RBM20: variants seen among roughly 807,000 people sequenced by gnomAD.
RBM20 encodes RNA binding motif protein 20, also known as RNA-binding protein 20.
RBM20 carries 51 observed loss-of-function variants against 110.1 expected under a neutral mutation model. The observed-to-expected ratio is 0.46, with a 90% CI of 0.37 to 0.59. RBM20 has a LOEUF of 0.59. Ranked by LOEUF, RBM20 falls within the 20% of genes least tolerant of loss-of-function variation. RBM20 has a pLI of 0.00. For synonymous variants in RBM20, 589 were observed against 618.2 expected, an observed-to-expected ratio of 0.95 and a Z score of 0.70; for missense variants, 1,512 against 1,574.9, an observed-to-expected ratio of 0.96 and a Z score of 0.68.
At chr10:110,782,203 G>C (rs1028165702) in intron 2 of RBM20, among the ~76,000 whole-genome samples, 1 of 152,216 alleles carries the variant, frequency 6.6e-6, no homozygotes, top group East Asian at 1.9e-4. Flanking sequence ...CTGCCTTCTC[G>C]TGGAGGGCTT....
chr10:110,732,176 A>G (rs967066860), intron 1 of RBM20, among the ~76,000 whole-genome samples: 3 of 150,514 alleles, frequency 2.0e-5, no homozygotes, highest in Admixed American at 1.3e-4. Context: ...CAATATTCCC[A>G]TGTTGCAGTT....
At chr10:110,745,212 G>T (rs1398971550) in intron 1 of RBM20, among the ~76,000 whole-genome samples, 1 of 152,198 alleles carries the variant, frequency 6.6e-6, no homozygotes, top group Admixed American at 6.5e-5. Flanking sequence ...CACTGCCTCT[G>T]CTGTAAAGAC....
At chr10:110,733,752 GC>G (rs2134956139) in intron 1 of RBM20, among the ~76,000 whole-genome samples, 1 of 152,316 alleles carries the variant, frequency 6.6e-6, no homozygotes, top group South Asian at 2.1e-4. Context: ...TTTGCAGAAT[GC>G]CCAGGAACTG....
At chr10:110,805,034 G>A (rs1026873192) in intron 7 of RBM20, among the ~76,000 whole-genome samples, 1 of 152,192 alleles carries the variant, frequency 6.6e-6, no homozygotes, top group Admixed American at 6.5e-5. Flanking sequence ...ATGGTCCATG[G>A]TGCTCTCAGT....
chr10:110,705,687 A>C (rs746488069), intron 1 of RBM20, among the ~76,000 whole-genome samples: 8 of 152,220 alleles, frequency 5.3e-5, no homozygotes, highest in African/African-American at 1.4e-4. Context: ...AAACTTACAT[A>C]TATATTAATC....
At chr10:110,763,297 C>T (rs1178408386) in intron 1 of RBM20, among the ~76,000 whole-genome samples, 3 of 151,868 alleles carry the variant, frequency 2.0e-5, no homozygotes, top group Non-Finnish European at 4.4e-5. Context: ...CCAGGATACC[C>T]CAAGCCCCAT....
intron 1 of RBM20, among the ~76,000 whole-genome samples, chr10:110,684,414 C>CA (rs1249025762): frequency 6.6e-6 from 1 of 150,428 alleles, no homozygotes; most frequent in African/African-American, 2.5e-5. Flanking sequence ...CAAAACAAAA[C>CA]AAAACAAAAC....
chr10:110,728,521 C>T (rs1264377620), intron 1 of RBM20, among the ~76,000 whole-genome samples: 1 of 152,122 alleles, frequency 6.6e-6, no homozygotes, highest in Non-Finnish European at 1.5e-5. Context: ...GCCTCAGGGT[C>T]AAGGTGAGGG....
chr10:110,764,620 C>T (rs1844054892), intron 1 of RBM20, among the ~76,000 whole-genome samples: 1 of 152,248 alleles, frequency 6.6e-6, no homozygotes, highest in African/African-American at 2.4e-5. Flanking sequence ...CGCTCCCTCC[C>T]TCCCTCGCTT....
intron 1 of RBM20, among the ~76,000 whole-genome samples, chr10:110,738,840 G>A (rs1306270613): frequency 6.6e-6 from 1 of 152,144 alleles, no homozygotes; most frequent in Non-Finnish European, 1.5e-5. Context: ...TTGGGGTTGG[G>A]GCTGCAGCCT....
At chr10:110,738,265 T>C (rs1235018033) in intron 1 of RBM20, among the ~76,000 whole-genome samples, 24 of 152,088 alleles carry the variant, frequency 1.6e-4, no homozygotes, top group Admixed American at 1.6e-3. Context: ...AGGCTTTATG[T>C]CCAACATAAA....
chr10:110,691,537 G>A (rs1862585763), intron 1 of RBM20, among the ~76,000 whole-genome samples: 1 of 152,206 alleles, frequency 6.6e-6, no homozygotes, highest in Non-Finnish European at 1.5e-5. Flanking sequence ...CAATGAGGTT[G>A]AGCATCTTTT....
intron 1 of RBM20, among the ~76,000 whole-genome samples, chr10:110,692,919 T>C (rs1425971795): frequency 6.6e-6 from 1 of 152,180 alleles, no homozygotes; most frequent in African/African-American, 2.4e-5. Flanking sequence ...ACCTTTATCA[T>C]GCTGAGGAAG....
At chr10:110,747,298 G>GC (rs1357620853) in intron 1 of RBM20, among the ~76,000 whole-genome samples, 5 of 138,718 alleles carry the variant, frequency 3.6e-5, no homozygotes, top group African/African-American at 8.3e-5. Context: ...TCTTTTTTTG[G>GC]GGGGGGGGGT....
intron 1 of RBM20, among the ~76,000 whole-genome samples, chr10:110,663,991 A>G (rs575239441): frequency 3.0e-4 from 46 of 152,372 alleles, no homozygotes; most frequent in African/African-American, 1.1e-3. Flanking sequence ...CAATTTTACC[A>G]TCAAGATATT....
At chr10:110,759,188 GC>G (rs992922721) in intron 1 of RBM20, among the ~76,000 whole-genome samples, 3 of 152,148 alleles carry the variant, frequency 2.0e-5, no homozygotes, top group African/African-American at 7.2e-5. Flanking sequence ...AACGAATCCT[GC>G]CTTTGTTCTG....
chr10:110,837,612 G>A lies in RBM20; in HGVS notation c.*1634G>A, dbSNP rs1418076081. 1 of 152,170 alleles carries A rather than the reference G, an allele frequency of 6.6e-6. No homozygotes were observed. Among genetic ancestry groups the A allele is most frequent in the Non-Finnish European group, 1.5e-5 (1 of 68,078 alleles). The allele number at this position is 152,170 out of a possible 1,614,324, so 9.4% of individuals were successfully genotyped here. A position where few individuals can be genotyped will look rare whatever the true frequency, so the allele number is the denominator to read the frequency against. ...TTTTTATGGCATGTGAGAGCATACT[G>A]TACATTCTGTCCTCTGTACTAATGG... On this transcript the variant is annotated 3_prime_UTR_variant, in exon 14 of 14. Coordinates refer to ENST00000369519, the MANE Select transcript of RBM20 (RefSeq NM_001134363.3).
intron 1 of RBM20, among the ~76,000 whole-genome samples, chr10:110,731,449 G>T (rs754680548): frequency 2.0e-5 from 3 of 152,114 alleles, no homozygotes; most frequent in Non-Finnish European, 2.9e-5. Flanking sequence ...CTATCCATAG[G>T]TTCTTACACC....
At chr10:110,760,446 TTTTTTTTG>T in intron 1 of RBM20, among the ~76,000 whole-genome samples, 2 of 128,824 alleles carry the variant, frequency 1.6e-5, no homozygotes, top group African/African-American at 5.9e-5. Flanking sequence ...TTTTTTTTTT[TTTTTTTTG>T]GAGACAGGGT....
Sources: allele counts gnomAD v4.1 joint callset (sites outside exome capture counted in the v4.1 genomes callset), GRCh38; gene constraint gnomAD v4.1.1; transcripts MANE v1.5; gene names NCBI Gene and HGNC (gene_info 2026-07-23, HGNC 2026-07-21).